The following COL25A1 variants were observed in gnomAD, a reference collection of about 807,000 sequenced individuals.
The protein encoded by COL25A1 is collagen type XXV alpha 1 chain.
COL25A1 carries 103 observed loss-of-function variants against 128.4 expected under a neutral mutation model. That is an observed-to-expected ratio of 0.80 (90% CI 0.68 to 0.94). The LOEUF is 0.94. COL25A1 is among the 40% of genes least tolerant of loss of function. COL25A1 has a pLI of 0.00. For synonymous variants in COL25A1, 279 were observed against 277.2 expected, an observed-to-expected ratio of 1.01 and a Z score of -0.06; for missense variants, 745 against 840.0, an observed-to-expected ratio of 0.89 and a Z score of 1.40.
intron 35 of COL25A1, chr4:108,823,853 T>C (rs1287725146): frequency 7.8e-7 from 1 of 1,289,420 alleles, no homozygotes; most frequent in East Asian, 3.4e-5. Context: ...ATTTGTGTCA[T>C]TTAATTTTAC....
chr4:108,904,255 G>A (rs1214801448), intron 13 of COL25A1, among the ~76,000 whole-genome samples: 2 of 152,092 alleles, frequency 1.3e-5, no homozygotes, highest in Non-Finnish European at 2.9e-5. Flanking sequence ...AAATAGACAT[G>A]ACAGGTGCCT....
Position 108,884,203 on chromosome 4 carries a change from C to T in COL25A1, c.995G>A (p.Gly332Glu), listed in dbSNP as rs1740483154. 3.7e-6 allele frequency: 6 copies of T among 1,613,552 alleles called. No individual in the cohort carries two copies. Among genetic ancestry groups the T allele is most frequent in the Non-Finnish European group, 2.5e-6 (3 of 1,179,792 alleles). The change falls in exon 19 of 38, where the codon GGG becomes GAG. Residue 332 changes from glycine (G) to glutamate (E), a missense_variant. Physicochemically the swap from Gly to Glu is moderately conservative, Grantham distance 98. Coordinates refer to ENST00000399132, the MANE Select transcript of COL25A1 (RefSeq NM_198721.4). ...PGQKGEPGLP[G>E]LPGLPGIKGE... The stretch of plus-strand genomic sequence containing the variant: ...CTTTATCCCCGGAAGTCCAGGAAGC[C>T]CAGGAAGCCCTGGTTCACCCTACAC...
chr4:108,970,301 C>T (rs1285327810), intron 8 of COL25A1, among the ~76,000 whole-genome samples: 1 of 152,168 alleles, frequency 6.6e-6, no homozygotes, highest in Non-Finnish European at 1.5e-5. Context: ...TCTCTAATGC[C>T]TACCACGCTA....
intron 13 of COL25A1, among the ~76,000 whole-genome samples, chr4:108,910,399 G>A (rs1744066043): frequency 2.0e-5 from 3 of 152,126 alleles, no homozygotes; most frequent in African/African-American, 7.2e-5. Flanking sequence ...ATTCAAAGAG[G>A]AAAACAATCT....
chr4:109,121,476 G>A (rs570831890), intron 3 of COL25A1, among the ~76,000 whole-genome samples: 54 of 152,042 alleles, frequency 3.6e-4, no homozygotes, highest in African/African-American at 1.1e-3. Context: ...GATCTAAAAA[G>A]GTAGCTCACC....
At chr4:109,203,391 C>T (rs1776725030) in intron 3 of COL25A1, among the ~76,000 whole-genome samples, 1 of 152,088 alleles carries the variant, frequency 6.6e-6, no homozygotes, top group Non-Finnish European at 1.5e-5. Flanking sequence ...AACTTTACCT[C>T]TCATCTGCCC....
At chr4:108,985,473 C>G (rs1753579266) in intron 6 of COL25A1, among the ~76,000 whole-genome samples, 1 of 152,114 alleles carries the variant, frequency 6.6e-6, no homozygotes, top group African/African-American at 2.4e-5. Context: ...AATTGCAGGA[C>G]AGAAGGGGAG....
At chr4:109,253,567 G>A (rs1426775453) in intron 3 of COL25A1, among the ~76,000 whole-genome samples, 1 of 152,104 alleles carries the variant, frequency 6.6e-6, no homozygotes, top group Non-Finnish European at 1.5e-5. Context: ...GACACATCCA[G>A]AAAAACGTTT....
intron 3 of COL25A1, among the ~76,000 whole-genome samples, chr4:109,222,759 T>A (rs1364668418): frequency 6.6e-6 from 1 of 152,164 alleles, no homozygotes; most frequent in Non-Finnish European, 1.5e-5. Context: ...GGGCTCAAGA[T>A]TAAGCAAACC....
intron 26 of COL25A1, among the ~76,000 whole-genome samples, chr4:108,851,138 T>G (rs1735724414): frequency 6.6e-6 from 1 of 152,064 alleles, no homozygotes; most frequent in Non-Finnish European, 1.5e-5. Context: ...CACCAAGATA[T>G]TATTGAATGG....
intron 3 of COL25A1, among the ~76,000 whole-genome samples, chr4:109,287,535 G>A (rs6848426): frequency 0.17 from 25,091 of 151,944 alleles, 2,698 homozygotes; most frequent in East Asian, 0.29. Flanking sequence ...TTTATAATTA[G>A]TCCCTCCTCT....
intron 3 of COL25A1, among the ~76,000 whole-genome samples, chr4:109,182,061 T>G (rs1304425164): frequency 2.0e-5 from 3 of 152,102 alleles, no homozygotes; most frequent in Non-Finnish European, 4.4e-5. Context: ...AGAATCTCAT[T>G]GTGTATATAG....
chr4:108,825,983 G>T (rs1732331833), intron 33 of COL25A1, among the ~76,000 whole-genome samples: 1 of 152,026 alleles, frequency 6.6e-6, no homozygotes, highest in Non-Finnish European at 1.5e-5. Context: ...TTCACGAGAG[G>T]TTACTTTGAT....
At chr4:109,131,760 C>T (rs1197340178) in intron 3 of COL25A1, among the ~76,000 whole-genome samples, 2 of 152,196 alleles carry the variant, frequency 1.3e-5, no homozygotes, top group Non-Finnish European at 2.9e-5. Flanking sequence ...GTCCTCCTCA[C>T]CTCCCCATTC....
chr4:108,951,967 G>A (rs988875655), intron 8 of COL25A1, among the ~76,000 whole-genome samples: 6 of 152,166 alleles, frequency 3.9e-5, no homozygotes, highest in African/African-American at 1.4e-4. Flanking sequence ...TTTAAGAAGG[G>A]ATTGTGAGCC....
intron 31 of COL25A1, chr4:108,834,313 CA>C: frequency 6.5e-7 from 1 of 1,545,764 alleles, no homozygotes; most frequent in Non-Finnish European, 8.8e-7. Context: ...ACATGATTCA[CA>C]GCCACAAAAC....
chr4:108,902,754 G>T lies in COL25A1; in HGVS notation c.781-1582C>A, dbSNP rs146924842. 2.4e-3 allele frequency among the ~76,000 whole-genome samples: 362 copies of T among 152,036 alleles called. 2 individuals carry two copies. The highest frequency in any genetic ancestry group is 8.3e-3 in the African/African-American group (343 of 41,526). ...AAGTCACACTGTAATTGTAACTCTTGCACTTTCCTTGGTAAAATGGGAAAA... is the reference window on the plus strand; with the variant it reads ...AAGTCACACTGTAATTGTAACTCTTTCACTTTCCTTGGTAAAATGGGAAAA... On this transcript the variant is annotated intron_variant, in intron 13 of 37. Coordinates refer to ENST00000399132, the MANE Select transcript of COL25A1 (RefSeq NM_198721.4).
At chr4:108,867,220 C>T (rs1738047146) in intron 20 of COL25A1, among the ~76,000 whole-genome samples, 1 of 152,226 alleles carries the variant, frequency 6.6e-6, no homozygotes, top group Admixed American at 6.5e-5. Flanking sequence ...AAATGCCACA[C>T]ACACTTTTAG....
At chr4:108,889,642 G>T (rs1334581261) in intron 17 of COL25A1, 59 bp downstream of exon 17, 3 of 1,423,208 alleles carry the variant, frequency 2.1e-6, no homozygotes, top group Non-Finnish European at 3.0e-6. Context: ...GAAAGTAGAG[G>T]CCTATAAAAA....
Sources: allele counts gnomAD v4.1 joint callset (sites outside exome capture counted in the v4.1 genomes callset), GRCh38; gene constraint gnomAD v4.1.1; transcripts MANE v1.5; gene names NCBI Gene and HGNC (gene_info 2026-07-23, HGNC 2026-07-21).